SMAD7: variants seen among roughly 807,000 people sequenced by gnomAD.
SMAD7 encodes MAD (mothers against decapentaplegic, Drosophila) homolog 7.
Under a neutral mutation model 38.7 loss-of-function variants are expected in SMAD7, and 8 were observed. That is an observed-to-expected ratio of 0.21 (90% CI 0.12 to 0.37). SMAD7 has a LOEUF of 0.37. SMAD7 is among the 10% of genes least tolerant of loss of function. The pLI is 1.00. For missense variants in SMAD7, 477 were observed against 577.9 expected, an observed-to-expected ratio of 0.83 and a Z score of 1.79; for synonymous variants, 327 against 265.1, an observed-to-expected ratio of 1.23 and a Z score of -2.27.
chr18:48,922,792 A>G (rs1599218496), intron 3 of SMAD7, among the ~76,000 whole-genome samples: 1 of 151,918 alleles, frequency 6.6e-6, no homozygotes, highest in East Asian at 1.9e-4. Flanking sequence ...CTCCTTCCAC[A>G]GAAGCATCTG....
chr18:48,928,860 G>A (rs1029959028), intron 3 of SMAD7, among the ~76,000 whole-genome samples: 1 of 152,160 alleles, frequency 6.6e-6, no homozygotes, highest in Non-Finnish European at 1.5e-5. Flanking sequence ...TGTAATTGAG[G>A]GTGGCACGGG....
chr18:48,946,417 C>T (rs2070195421), intron 2 of SMAD7, among the ~76,000 whole-genome samples: 3 of 132,450 alleles, frequency 2.3e-5, no homozygotes, highest in South Asian at 4.9e-4. Context: ...CAGCCCCAGA[C>T]CTGTGAGGGG....
intron 3 of SMAD7, among the ~76,000 whole-genome samples, chr18:48,924,365 C>T (rs1037675322): frequency 6.6e-6 from 1 of 152,070 alleles, no homozygotes. Flanking sequence ...GATCGAGGTG[C>T]CCCCATGCCA....
intron 2 of SMAD7, among the ~76,000 whole-genome samples, chr18:48,944,394 A>T (rs990389693): frequency 6.6e-6 from 1 of 152,260 alleles, no homozygotes; most frequent in Non-Finnish European, 1.5e-5. Flanking sequence ...AAGGTAAGCC[A>T]GCTCCACACA....
chr18:48,949,711 C>A, intron 1 of SMAD7, 101 bp downstream of exon 1: 1 of 1,312,674 alleles, frequency 7.6e-7, no homozygotes, highest in Non-Finnish European at 1.0e-6. Context: ...GGTATGCACA[C>A]TCCCCCTGGA....
Position 48,921,984 on chromosome 18 carries a change from C to A in SMAD7, c.743-74G>T. The A allele has an allele frequency of 3.5e-6, 4 of 1,129,666 alleles. No homozygotes were observed. In the South Asian group the frequency reaches 6.1e-5, roughly 17 times the overall value. 70.0% of individuals were successfully genotyped at this position (1,129,666 alleles called of 1,614,324 possible). On this transcript the variant is annotated intron_variant, in intron 3 of 3. Coordinates refer to ENST00000262158, the MANE Select transcript of SMAD7 (RefSeq NM_005904.4). The surrounding 1 kb of genome is among the most constrained non-coding windows in gnomAD (Gnocchi z 6.4). Reference sequence around the variant, plus strand: ...CTCCTAGAATGAAGACACCCGCCCCCCCACTGCACCCAGTCACCAGCTCAT... The same window carrying A: ...CTCCTAGAATGAAGACACCCGCCCCACCACTGCACCCAGTCACCAGCTCAT...
intron 3 of SMAD7, among the ~76,000 whole-genome samples, chr18:48,927,591 G>C (rs2069944203): frequency 6.6e-6 from 1 of 152,176 alleles, no homozygotes; most frequent in South Asian, 2.1e-4. Context: ...CCCTAAAACA[G>C]GGTTCCCCCA....
At chr18:48,940,176 C>G (rs1316197326) in intron 3 of SMAD7, among the ~76,000 whole-genome samples, 1 of 152,160 alleles carries the variant, frequency 6.6e-6, no homozygotes, top group Non-Finnish European at 1.5e-5. Flanking sequence ...ATACACTGCA[C>G]CAACTCTGAA....
intron 2 of SMAD7, among the ~76,000 whole-genome samples, chr18:48,946,257 C>T (rs1196941459): frequency 6.6e-6 from 1 of 152,148 alleles, no homozygotes; most frequent in Non-Finnish European, 1.5e-5. Flanking sequence ...AAAAATTCAA[C>T]CTAAGGGACA....
Position 48,950,155 on chromosome 18 carries a change from C to T in SMAD7, c.270G>A (p.Ala90=). 6.7e-7 allele frequency: 1 copy of T among 1,491,564 alleles called. No individual in the cohort carries two copies. The highest frequency in any genetic ancestry group is 8.9e-7 in the Non-Finnish European group (1 of 1,125,834). 92.4% of individuals were successfully genotyped at this position (1,491,564 alleles called of 1,614,324 possible). Residue 90 remains alanine, a synonymous_variant, in exon 1 of 4, where the codon GCG becomes GCA. Coordinates refer to ENST00000262158, the MANE Select transcript of SMAD7 (RefSeq NM_005904.4). ...CCGAGTGCGTGAGCGCCTTCAGATCCGCCTCGGCGCCCCCGGCCGCGCCGG... is the reference window on the plus strand; with the variant it reads ...CCGAGTGCGTGAGCGCCTTCAGATCTGCCTCGGCGCCCCCGGCCGCGCCGG... The part of the protein sequence containing the change: ...AGAGAAGGAE[A]DLKALTHSVL...
chr18:48,942,592 C>A, intron 2 of SMAD7, 37 bp from the exon 3 acceptor site: 1 of 1,613,340 alleles, frequency 6.2e-7, no homozygotes, highest in Non-Finnish European at 8.5e-7. Context: ...GAAATAAATA[C>A]ACAAATAAAA....
In SMAD7 at chr18:48,950,173, C is replaced by G. The variant is rs1456275347; in HGVS notation, c.252G>C (p.Ala84=). 6 of 1,485,266 alleles carry G rather than the reference C, an allele frequency of 4.0e-6. No individual in the cohort carries two copies. Among genetic ancestry groups the G allele is most frequent in the Non-Finnish European group, 5.3e-6 (6 of 1,123,946 alleles). The allele number at this position is 1,485,266 out of a possible 1,614,324, so 92.0% of individuals were successfully genotyped here. Residue 84 remains alanine, a synonymous_variant, in exon 1 of 4, where the codon GCG becomes GCC. Coordinates refer to ENST00000262158, the MANE Select transcript of SMAD7 (RefSeq NM_005904.4). Reference sequence around the variant, plus strand: ...TCAGATCCGCCTCGGCGCCCCCGGCCGCGCCGGCGCCCGCGGCTGGCGGGT... The same window carrying G: ...TCAGATCCGCCTCGGCGCCCCCGGCGGCGCCGGCGCCCGCGGCTGGCGGGT... ...HPHPPAAGAG[A]AGGAEADLKA...
At chr18:48,925,275 A>G (rs112902407) in intron 3 of SMAD7, among the ~76,000 whole-genome samples, 2,180 of 152,332 alleles carry the variant, frequency 0.014, 57 homozygotes, top group African/African-American at 0.05. Context: ...TTAAAACAGT[A>G]TGTGTTCATT....
rs1034849335 is a variant in SMAD7 at position 48,920,303 on chromosome 18, G to A, written c.*1069C>T. ...TAAGAACAGTGTCGAAGTATCATACGAGTGTATGAGTTGTAGAAGAAATGA... is the reference window on the plus strand; with the variant it reads ...TAAGAACAGTGTCGAAGTATCATACAAGTGTATGAGTTGTAGAAGAAATGA... On this transcript the variant is annotated 3_prime_UTR_variant, in exon 4 of 4. Coordinates refer to ENST00000262158, the MANE Select transcript of SMAD7 (RefSeq NM_005904.4). 2.0e-5 allele frequency: 3 copies of A among 152,606 alleles called. No individual in the cohort carries two copies. The highest frequency in any genetic ancestry group is 6.5e-5 in the Admixed American group (1 of 15,274). 9.5% of individuals were successfully genotyped at this position (152,606 alleles called of 1,614,324 possible). A position where few individuals can be genotyped will look rare whatever the true frequency, so the allele number is the denominator to read the frequency against.
At chr18:48,929,253 A>G (rs868826446) in intron 3 of SMAD7, among the ~76,000 whole-genome samples, 16 of 152,256 alleles carry the variant, frequency 1.1e-4, no homozygotes, top group African/African-American at 3.8e-4. Flanking sequence ...GGGGGTTCAC[A>G]TATTAGCAGG....
chr18:48,929,563 T>TCA (rs1290309827), intron 3 of SMAD7, among the ~76,000 whole-genome samples: 3 of 38,622 alleles, frequency 7.8e-5, no homozygotes, highest in East Asian at 8.9e-4. Context: ...TCTCTCTCTC[T>TCA]CTCTCTCACT....
At chr18:48,936,116 ACC>A (rs2070063075) in intron 3 of SMAD7, among the ~76,000 whole-genome samples, 2 of 10,400 alleles carry the variant, frequency 1.9e-4, no homozygotes, top group Non-Finnish European at 4.1e-4. Context: ...ACACACACAC[ACC>A]ACACACACAC....
intron 3 of SMAD7, among the ~76,000 whole-genome samples, chr18:48,929,569 T>TCACACACA (rs1555716118): frequency 5.1e-4 from 58 of 114,622 alleles, no homozygotes; most frequent in Middle Eastern, 4.7e-3. Context: ...TCTCTCTCTC[T>TCACACACA]CACTCACACA....
intron 2 of SMAD7, among the ~76,000 whole-genome samples, chr18:48,945,959 T>G (rs2070190125): frequency 6.6e-6 from 1 of 152,182 alleles, no homozygotes; most frequent in Non-Finnish European, 1.5e-5. Context: ...GTGAACACTC[T>G]TTCAAAGAAG....
Sources: allele counts gnomAD v4.1 joint callset (sites outside exome capture counted in the v4.1 genomes callset), GRCh38; gene constraint gnomAD v4.1.1; non-coding constraint Gnocchi (gnomAD v3.1); transcripts MANE v1.5; gene names NCBI Gene and HGNC (gene_info 2026-07-23, HGNC 2026-07-21).